AKT3: variants seen among roughly 807,000 people sequenced by gnomAD.
AKT3 encodes the protein AKT serine/threonine kinase 3, also known as RAC-gamma serine/threonine-protein kinase.
A neutral mutation model predicts 65.3 loss-of-function variants in AKT3; 15 were observed. The observed-to-expected ratio is 0.23, with a 90% CI of 0.15 to 0.35. AKT3 has a LOEUF of 0.35. Ranked by LOEUF, AKT3 falls within the 10% of genes least tolerant of loss-of-function variation. The pLI, the probability that AKT3 is intolerant of heterozygous loss-of-function variation, is 1.00. For synonymous variants in AKT3, 206 were observed against 183.8 expected (o/e 1.12, Z -0.98); for missense variants, 243 against 576.5 (o/e 0.42, Z 5.92).
intron 2 of AKT3, among the ~76,000 whole-genome samples, chr1:243,718,826 C>A (rs1294865302): frequency 6.6e-6 from 1 of 152,016 alleles, no homozygotes; most frequent in East Asian, 1.9e-4. Flanking sequence ...TGAATTTTTT[C>A]TTTTTAAATA....
chr1:243,573,063 GC>G lies in AKT3; in HGVS notation c.697-16del, dbSNP rs1674679064. On this transcript the variant is annotated splice_polypyrimidine_tract_variant and intron_variant, in intron 8 of 13. Transcript: ENST00000673466. ...TGGAAAAACAGCTGCAGGGTAAACAGCAGGGACAGGATTGTAATAATTACTG... is the reference window on the plus strand; with the variant it reads ...TGGAAAAACAGCTGCAGGGTAAACAGAGGGACAGGATTGTAATAATTACTG... 6.2e-7 allele frequency: 1 copy of G among 1,610,814 alleles called. No individual in the cohort carries two copies. The highest frequency in any genetic ancestry group is 1.7e-5 in the Admixed American group (1 of 59,176).
At chr1:243,522,712 T>C (rs778048778) in intron 12 of AKT3, among the ~76,000 whole-genome samples, 8 of 152,102 alleles carry the variant, frequency 5.3e-5, no homozygotes, top group Admixed American at 1.3e-4. Flanking sequence ...CCTGTTTCAA[T>C]AGATACACAC....
chr1:243,756,329 T>C (rs559964495), intron 2 of AKT3, among the ~76,000 whole-genome samples: 5 of 152,132 alleles, frequency 3.3e-5, no homozygotes, highest in Non-Finnish European at 7.3e-5. Context: ...CAAGAGTCTC[T>C]GGAAAACTGC....
chr1:243,638,809 G>C (rs1446015698), intron 5 of AKT3, among the ~76,000 whole-genome samples: 2 of 150,938 alleles, frequency 1.3e-5, no homozygotes, highest in East Asian at 3.9e-4. Flanking sequence ...AATTGTTTCA[G>C]TTTCCACCTT....
At chr1:243,488,664 G>A (rs1432206483) in intron 13 of AKT3, among the ~76,000 whole-genome samples, 1 of 152,184 alleles carries the variant, frequency 6.6e-6, no homozygotes, top group Non-Finnish European at 1.5e-5. Context: ...TGCTCAGCCT[G>A]CCAGAGACCT....
intron 6 of AKT3, among the ~76,000 whole-genome samples, chr1:243,631,798 G>T (rs1390164149): frequency 6.6e-6 from 1 of 152,048 alleles, no homozygotes; most frequent in African/African-American, 2.4e-5. Context: ...AATGTTCATG[G>T]CATCTTCTCA....
intron 12 of AKT3, among the ~76,000 whole-genome samples, chr1:243,544,708 T>TC (rs1041986182): frequency 1.7e-4 from 26 of 148,734 alleles, no homozygotes; most frequent in Non-Finnish European, 3.4e-4. Flanking sequence ...GTTTTTTGTT[T>TC]TTTTTTTTTT....
intron 8 of AKT3, among the ~76,000 whole-genome samples, chr1:243,606,084 A>G (rs1291479914): frequency 6.6e-6 from 1 of 152,162 alleles, no homozygotes; most frequent in Non-Finnish European, 1.5e-5. Flanking sequence ...GCCCTGCAGA[A>G]CTGAGTCAAT....
rs1365710526 is a variant in AKT3, at chr1:243,636,492, T to TAA, written c.561+1117_561+1118dup. On this transcript the variant is annotated intron_variant, in intron 6 of 13. Transcript: ENST00000673466. ...TAATAATAAGTGCCAGCTAGGATGCTAAATACCTTACATATCCCAATCCTC... is the reference window on the plus strand; with the variant it reads ...TAATAATAAGTGCCAGCTAGGATGCTAAAAATACCTTACATATCCCAATCCTC... Among the ~76,000 whole-genome samples, 16 of 152,162 alleles carry TAA rather than the reference T, an allele frequency of 1.1e-4. No individual in the cohort carries two copies. In the East Asian group the frequency reaches 2.9e-3, roughly 28 times the overall value.
At chr1:243,669,162 A>T (rs1211476214) in intron 3 of AKT3, among the ~76,000 whole-genome samples, 2 of 152,182 alleles carry the variant, frequency 1.3e-5, no homozygotes, top group African/African-American at 2.4e-5. Flanking sequence ...TCTTTTCAAA[A>T]GCCCTATTAA....
chr1:243,545,662 A>C, intron 11 of AKT3, 65 bp from the exon 12 acceptor site: 1 of 1,193,098 alleles, frequency 8.4e-7, no homozygotes, highest in African/African-American at 1.5e-5. Context: ...GCATAACAAA[A>C]AATATTTTGT....
chr1:243,768,847 A>G (rs898626301), intron 2 of AKT3, among the ~76,000 whole-genome samples: 15 of 151,918 alleles, frequency 9.9e-5, no homozygotes, highest in African/African-American at 2.9e-4. Flanking sequence ...AAAAAAAAAA[A>G]AGAGAGCGAT....
intron 4 of AKT3, among the ~76,000 whole-genome samples, chr1:243,650,822 G>A (rs1029534613): frequency 6.6e-6 from 1 of 152,134 alleles, no homozygotes; most frequent in African/African-American, 2.4e-5. Context: ...AGTATAGTTT[G>A]AAGTCAGGCA....
chr1:243,679,823 G>A (rs961997209), intron 3 of AKT3, among the ~76,000 whole-genome samples: 1 of 152,138 alleles, frequency 6.6e-6, no homozygotes, highest in Admixed American at 6.6e-5. Flanking sequence ...GTAAAGAAGA[G>A]AGATGGAACT....
At chr1:243,572,634 G>A (rs1674646663) in intron 9 of AKT3, among the ~76,000 whole-genome samples, 1 of 152,080 alleles carries the variant, frequency 6.6e-6, no homozygotes, top group Non-Finnish European at 1.5e-5. Flanking sequence ...AATAAAACTT[G>A]TTTTAAGTGT....
intron 12 of AKT3, among the ~76,000 whole-genome samples, chr1:243,536,922 T>G (rs1671976727): frequency 6.6e-6 from 1 of 152,176 alleles, no homozygotes; most frequent in Non-Finnish European, 1.5e-5. Context: ...CAGCCTTTCA[T>G]CTCTCTTCCG....
chr1:243,780,486 G>A (rs1044197789), intron 2 of AKT3, among the ~76,000 whole-genome samples: 2 of 151,304 alleles, frequency 1.3e-5, no homozygotes, highest in African/African-American at 2.4e-5. Flanking sequence ...AAGACTAAAG[G>A]AGGCATCATG....
At chr1:243,616,791 T>C (rs1678359726) in intron 6 of AKT3, among the ~76,000 whole-genome samples, 1 of 152,106 alleles carries the variant, frequency 6.6e-6, no homozygotes, top group Non-Finnish European at 1.5e-5. Flanking sequence ...TCAAAGAAGG[T>C]AAGATCAATT....
intron 11 of AKT3, among the ~76,000 whole-genome samples, chr1:243,552,257 C>G (rs1315465758): frequency 3.2e-5 from 4 of 123,518 alleles, no homozygotes. Flanking sequence ...CCACTGCACT[C>G]CAGCCTGGGT....
Sources: allele counts gnomAD v4.1 joint callset (sites outside exome capture counted in the v4.1 genomes callset), GRCh38; gene constraint gnomAD v4.1.1; transcripts MANE v1.5; gene names NCBI Gene and HGNC (gene_info 2026-07-23, HGNC 2026-07-21).